The following PHF21B variants were observed in gnomAD, a reference collection of about 807,000 sequenced individuals.
The protein encoded by PHF21B is PHD finger protein 4.
In PHF21B, 22 loss-of-function variants were observed where a neutral mutation model predicts 62.2. The ratio of observed to expected loss-of-function variants is 0.35; its 90% CI spans 0.25 to 0.51. The LOEUF (loss-of-function observed/expected upper bound fraction) is 0.51, where lower values mean the gene tolerates loss of function less well. PHF21B is among the 20% of genes least tolerant of loss of function. The pLI, the probability that PHF21B is intolerant of heterozygous loss-of-function variation, is 0.97. For missense variants in PHF21B, 701 were observed against 707.9 expected (o/e 0.99, Z 0.11); for synonymous variants, 341 against 314.7 (o/e 1.08, Z -0.88).
intron 2 of PHF21B, chr22:45,003,735 A>C (rs1052486054): frequency 2.0e-5 from 3 of 152,242 alleles, no homozygotes; most frequent in Non-Finnish European, 4.4e-5. Context: ...GAAAAGGTGG[A>C]AACAGGCCAA....
At chr22:44,944,793 C>T (rs535928682) in intron 2 of PHF21B, among the ~76,000 whole-genome samples, 1 of 142,684 alleles carries the variant, frequency 7.0e-6, no homozygotes, top group East Asian at 2.4e-4. Flanking sequence ...AGGAAGAAAC[C>T]CTTTGCCCAG....
At chr22:44,908,452 G>A (rs1319445839) in intron 5 of PHF21B, among the ~76,000 whole-genome samples, 1 of 152,110 alleles carries the variant, frequency 6.6e-6, no homozygotes, top group Non-Finnish European at 1.5e-5. Flanking sequence ...TCTCCCCATG[G>A]TGCATGGGTC....
intron 2 of PHF21B, among the ~76,000 whole-genome samples, chr22:44,974,682 C>T (rs1292043048): frequency 6.6e-6 from 1 of 152,116 alleles, no homozygotes; most frequent in Non-Finnish European, 1.5e-5. Context: ...TCCAATCAGA[C>T]CAGAAATTGG....
intron 2 of PHF21B, among the ~76,000 whole-genome samples, chr22:44,954,525 C>A (rs1453957411): frequency 6.6e-6 from 1 of 152,268 alleles, no homozygotes; most frequent in Non-Finnish European, 1.5e-5. Flanking sequence ...CTAGCCGAGC[C>A]AGCGTGTGCA....
At chr22:44,999,307 T>A (rs1369457856) in intron 2 of PHF21B, among the ~76,000 whole-genome samples, 2 of 151,974 alleles carry the variant, frequency 1.3e-5, no homozygotes, top group East Asian at 3.9e-4. Flanking sequence ...TCAATAATAA[T>A]AAAAAGGAGA....
At chr22:44,999,021 C>G (rs5765113) in intron 2 of PHF21B, among the ~76,000 whole-genome samples, 140,088 of 152,232 alleles carry the variant, frequency 0.92, 64,826 homozygotes, top group South Asian at 0.98. Context: ...TTTCTGCCAT[C>G]TTTTAAGAAG....
intron 2 of PHF21B, among the ~76,000 whole-genome samples, chr22:44,966,555 C>A (rs1184554975): frequency 6.6e-6 from 1 of 152,116 alleles, no homozygotes; most frequent in Non-Finnish European, 1.5e-5. Flanking sequence ...GCAGGGAGAC[C>A]ACAGGTCAAG....
chr22:44,885,455 G>C lies in PHF21B; in HGVS notation c.1348C>G (p.Arg450Gly). Residue 450 changes from arginine to glycine, a missense_variant, in exon 12 of 13, where the codon CGG becomes GGG. Physicochemically the swap from Arg to Gly is moderately radical, Grantham distance 125. Coordinates refer to ENST00000313237, the MANE Select transcript of PHF21B (RefSeq NM_138415.5). ...LQNEHQQLEE[R>G]DRRLASAVQK... ...ACTGCTGACGCCAGCCGCCGGTCCCGCTCCTCCAGCTGCTGGTGCTCGTTC... is the reference window on the plus strand; with the variant it reads ...ACTGCTGACGCCAGCCGCCGGTCCCCCTCCTCCAGCTGCTGGTGCTCGTTC... 4.4e-6 allele frequency: 7 copies of C among 1,592,022 alleles called. No homozygotes were observed. Among genetic ancestry groups the C allele is most frequent in the Non-Finnish European group, 6.0e-6 (7 of 1,170,160 alleles).
chr22:45,007,801 C>A (rs2073352497), intron 2 of PHF21B, among the ~76,000 whole-genome samples: 1 of 150,260 alleles, frequency 6.7e-6, no homozygotes. Flanking sequence ...GGGCGCGCGG[C>A]CGGCCGGGCT....
chr22:44,976,289 C>T (rs1317549070), intron 2 of PHF21B, among the ~76,000 whole-genome samples: 1 of 152,152 alleles, frequency 6.6e-6, no homozygotes, highest in Non-Finnish European at 1.5e-5. Flanking sequence ...ATATCCATCG[C>T]CTCATACATT....
At chr22:44,925,438 C>T (rs566744960) in intron 2 of PHF21B, among the ~76,000 whole-genome samples, 9 of 152,280 alleles carry the variant, frequency 5.9e-5, no homozygotes, top group Admixed American at 2.6e-4. Flanking sequence ...TCATTATGCT[C>T]GGACGGCGGT....
chr22:44,981,862 A>G (rs538841506), intron 2 of PHF21B, among the ~76,000 whole-genome samples: 17 of 152,384 alleles, frequency 1.1e-4, no homozygotes, highest in African/African-American at 4.1e-4. Flanking sequence ...AAAGAAGGTA[A>G]CAAAAGTGTA....
intron 8 of PHF21B, among the ~76,000 whole-genome samples, chr22:44,890,315 C>A (rs2070940614): frequency 6.6e-6 from 1 of 152,184 alleles, no homozygotes. Flanking sequence ...AAACTGTAAT[C>A]CACTCTCATT....
rs115155876 is a variant in PHF21B, at chr22:44,896,964, A to C, written c.832-881T>G. ...AGTAATCACAGCTCACTGCAGCTTC[A>C]ATCTCTGGGGTTCAAGTGATCCTCC... is the stretch of plus-strand genomic sequence containing the variant. On this transcript the variant is annotated intron_variant, in intron 5 of 12. Transcript: ENST00000313237. Among the ~76,000 whole-genome samples the C allele has an allele frequency of 2.5e-3, 350 of 140,080 alleles. 4 individuals carry two copies. The highest frequency in any genetic ancestry group is 9.0e-3 in the African/African-American group (337 of 37,306). The allele number at this position is 140,080 out of a possible 152,430, so 91.9% of individuals were successfully genotyped here.
rs764259213 is a variant in PHF21B, at chr22:44,883,222, C to A, written c.1460G>T (p.Arg487Ile). The change falls in exon 13 of 13, where the codon AGA becomes ATA. Residue 487 changes from arginine to isoleucine, a missense_variant. Transcript: ENST00000313237. ...SSLDRLRALL[R>I]LIQGEQLLQV... ...GAGCAGCTGCTCGCCCTGTATCAGT[C>A]TCAGGAGGGCCCGCAGGCGGTCCAG... 2 of 1,613,936 alleles carry A rather than the reference C, an allele frequency of 1.2e-6. No individual in the cohort carries two copies. The highest frequency in any genetic ancestry group is 2.2e-5 in the South Asian group (2 of 91,086).
chr22:44,998,669 G>A (rs1422593141), intron 2 of PHF21B, among the ~76,000 whole-genome samples: 1 of 152,192 alleles, frequency 6.6e-6, no homozygotes, highest in Non-Finnish European at 1.5e-5. Context: ...GAGACCAAAA[G>A]CAACTCAGTA....
intron 2 of PHF21B, among the ~76,000 whole-genome samples, chr22:44,985,679 A>G (rs2072932550): frequency 6.6e-6 from 1 of 152,208 alleles, no homozygotes; most frequent in Non-Finnish European, 1.5e-5. Flanking sequence ...ATGGGAGATA[A>G]TATTTCCTCA....
At chr22:44,988,886 G>T (rs905134584) in intron 2 of PHF21B, among the ~76,000 whole-genome samples, 3 of 152,232 alleles carry the variant, frequency 2.0e-5, no homozygotes, top group African/African-American at 7.2e-5. Context: ...GCAGATGGCA[G>T]TGTCCGGTGA....
intron 5 of PHF21B, among the ~76,000 whole-genome samples, chr22:44,906,109 C>T (rs545255882): frequency 2.4e-4 from 36 of 152,250 alleles, no homozygotes; most frequent in African/African-American, 8.4e-4. Context: ...AATTCCGAAC[C>T]AAGGGTGTGG....
Sources: gnomAD v4.1 joint callset for allele counts (sites outside exome capture counted in the v4.1 genomes callset) on GRCh38, gnomAD v4.1.1 for gene constraint, MANE v1.5 for transcripts, NCBI Gene and HGNC (gene_info 2026-07-23, HGNC 2026-07-21) for gene names.